Variants in IL1RAPL1 observed in about 807,000 individuals in gnomAD.
The protein encoded by IL1RAPL1 is interleukin-1 receptor accessory protein-like 1.
In IL1RAPL1, 3 loss-of-function variants were observed where a neutral mutation model predicts 48.4. That is an observed-to-expected ratio of 0.06 (90% CI 0.03 to 0.16). The LOEUF (loss-of-function observed/expected upper bound fraction) is 0.16. Ranked by LOEUF, IL1RAPL1 falls within the 10% of genes least tolerant of loss-of-function variation. The pLI, the probability that IL1RAPL1 is intolerant of heterozygous loss-of-function variation, is 1.00. For missense variants in IL1RAPL1, 349 were observed against 530.6 expected (o/e 0.66, Z 3.36); for synonymous variants, 185 against 187.7 (o/e 0.99, Z 0.12).
intron 6 of IL1RAPL1, among the ~76,000 whole-genome samples, chrX:29,802,536 T>A (rs1164504376): frequency 8.4e-5 from 9 of 107,501 alleles, no homozygotes; most frequent in African/African-American, 2.7e-4. Context: ...CTTTTAATAT[T>A]TTTTTTCATT....
intron 2 of IL1RAPL1, among the ~76,000 whole-genome samples, chrX:29,078,396 T>G (rs954261134): frequency 8.9e-6 from 1 of 112,763 alleles, no homozygotes; most frequent in East Asian, 2.8e-4. Context: ...AACTAATATT[T>G]CAGCCATTTG....
intron 5 of IL1RAPL1, among the ~76,000 whole-genome samples, chrX:29,421,988 A>G (rs1359545046): frequency 8.9e-6 from 1 of 111,905 alleles, no homozygotes; most frequent in Non-Finnish European, 1.9e-5. Context: ...ATATACATTT[A>G]TTAACGTGTG....
chrX:29,254,959 A>G (rs1360379387), intron 2 of IL1RAPL1, among the ~76,000 whole-genome samples: 1 of 111,737 alleles, frequency 8.9e-6, no homozygotes, highest in African/African-American at 3.2e-5. Flanking sequence ...ATTGCTCTTT[A>G]ATTTTTTTCT....
intron 2 of IL1RAPL1, among the ~76,000 whole-genome samples, chrX:29,182,575 G>GT (rs199891181): frequency 0.39 from 38,438 of 99,255 alleles, 6,491 homozygotes; most frequent in Non-Finnish European, 0.51. Flanking sequence ...CATGTACTTA[G>GT]TTTTTTTTTT....
In IL1RAPL1 at chrX:28,620,515, G is replaced by A. The variant is rs143177455; in HGVS notation, c.-25+32468G>A. Among the ~76,000 whole-genome samples the A allele has an allele frequency of 2.1e-3, 232 of 111,280 alleles. 1 individual carries two copies. The East Asian group carries it at 0.036, about 17-fold the overall frequency. On this transcript the variant is annotated intron_variant, in intron 1 of 10. Transcript: ENST00000378993. ...GGCGATGGTGAGGAAGAATTGGGAC[G>A]TGATGAGGCTCTGTGAGTCTCAAGC...
intron 1 of IL1RAPL1, among the ~76,000 whole-genome samples, chrX:28,628,528 A>G: frequency 8.9e-6 from 1 of 112,455 alleles, no homozygotes; most frequent in Middle Eastern, 4.6e-3. Context: ...GCAGCACAGA[A>G]AGGATTATTT....
intron 5 of IL1RAPL1, among the ~76,000 whole-genome samples, chrX:29,599,128 G>T (rs750359190): frequency 9.0e-6 from 1 of 111,595 alleles, no homozygotes; most frequent in South Asian, 3.7e-4. Flanking sequence ...TTGTTATATC[G>T]GTCATGTGAG....
chrX:29,808,031 CTG>C (rs1334686745), intron 6 of IL1RAPL1, among the ~76,000 whole-genome samples: 2 of 111,757 alleles, frequency 1.8e-5, no homozygotes, highest in East Asian at 5.6e-4. Flanking sequence ...TCAGAATAAA[CTG>C]TTTTTGCAGG....
At chrX:28,811,328 G>A (rs1432061651) in intron 2 of IL1RAPL1, among the ~76,000 whole-genome samples, 1 of 111,114 alleles carries the variant, frequency 9.0e-6, no homozygotes, top group Non-Finnish European at 1.9e-5. Context: ...TAGAAAAAGT[G>A]TGACCTATTG....
At chrX:28,816,647 G>A (rs941080866) in intron 2 of IL1RAPL1, among the ~76,000 whole-genome samples, 1 of 110,930 alleles carries the variant, frequency 9.0e-6, no homozygotes, top group African/African-American at 3.3e-5. Flanking sequence ...CACCATTGAT[G>A]GGCACCTAGG....
Position 29,903,183 on chromosome X carries a change from TGA to T in IL1RAPL1, c.779-14260_779-14259del, listed in dbSNP as rs1193474559. Among the ~76,000 whole-genome samples the T allele has an allele frequency of 5.6e-3, 522 of 92,672 alleles. 5 individuals are homozygous for T. Among genetic ancestry groups the T allele is most frequent in the African/African-American group, 0.018 (472 of 26,937 alleles). 80.5% of individuals were successfully genotyped at this position (92,672 alleles called of 115,157 possible). On this transcript the variant is annotated intron_variant, in intron 6 of 10. Coordinates refer to ENST00000378993, the MANE Select transcript of IL1RAPL1 (RefSeq NM_014271.4). ...CCGTGTGTGTGTGTGTGTGTGTGTG[TGA>T]GAGAGAGAGAGAGAGAGAGACAAAG... is the stretch of plus-strand genomic sequence containing the variant.
intron 5 of IL1RAPL1, among the ~76,000 whole-genome samples, chrX:29,492,350 T>A (rs1237290320): frequency 1.8e-5 from 2 of 112,435 alleles, no homozygotes; most frequent in Non-Finnish European, 3.8e-5. Flanking sequence ...AACAGTGGCT[T>A]AAACTACACA....
intron 2 of IL1RAPL1, among the ~76,000 whole-genome samples, chrX:28,963,587 G>T (rs772078125): frequency 1.4e-4 from 16 of 111,020 alleles, no homozygotes; most frequent in African/African-American, 3.9e-4. Context: ...GTCTAGGAAG[G>T]TGCCCATCCT....
chrX:29,330,668 G>A (rs1260063999), intron 3 of IL1RAPL1, among the ~76,000 whole-genome samples: 2 of 111,029 alleles, frequency 1.8e-5, no homozygotes, highest in Non-Finnish European at 3.8e-5. Flanking sequence ...GTGGAGACTT[G>A]TTACTCTTTC....
chrX:29,114,536 A>G lies in IL1RAPL1; in HGVS notation c.83-168402A>G, dbSNP rs192368677. 3.6e-5 allele frequency among the ~76,000 whole-genome samples: 4 copies of G among 111,607 alleles called. No individual in the cohort carries two copies. In the East Asian group the frequency reaches 8.4e-4, roughly 24 times the overall value. The stretch of plus-strand genomic sequence containing the variant: ...TGTCTCTTCAAATATTGTCTCTTTA[A>G]ATATTGGATATTTTGAAGTTCTATA... On this transcript the variant is annotated intron_variant, in intron 2 of 10. Transcript: ENST00000378993.
At chrX:29,433,599 A>G (rs781262103) in intron 5 of IL1RAPL1, among the ~76,000 whole-genome samples, 2 of 111,380 alleles carry the variant, frequency 1.8e-5, no homozygotes, top group Non-Finnish European at 3.8e-5. Flanking sequence ...AGATTTTACC[A>G]ATATACATTC....
chrX:28,867,258 A>T (rs1922098789), intron 2 of IL1RAPL1, among the ~76,000 whole-genome samples: 1 of 111,832 alleles, frequency 8.9e-6, no homozygotes, highest in Non-Finnish European at 1.9e-5. Flanking sequence ...CTGACAGGTA[A>T]TCTAGAGGAA....
chrX:29,416,833 T>G (rs1934223592), intron 5 of IL1RAPL1, among the ~76,000 whole-genome samples: 1 of 111,534 alleles, frequency 9.0e-6, no homozygotes, highest in Admixed American at 9.6e-5. Context: ...GTTTTAAAAA[T>G]ATGACAGAAA....
intron 9 of IL1RAPL1, among the ~76,000 whole-genome samples, chrX:29,953,037 G>C (rs1171853358): frequency 1.8e-5 from 2 of 111,847 alleles, no homozygotes; most frequent in Non-Finnish European, 3.8e-5. Flanking sequence ...GTGAATTTTA[G>C]TGTCCTTGAA....
Sources: gnomAD v4.1 joint callset for allele counts (sites outside exome capture counted in the v4.1 genomes callset) on GRCh38, gnomAD v4.1.1 for gene constraint, MANE v1.5 for transcripts, NCBI Gene and HGNC (gene_info 2026-07-23, HGNC 2026-07-21) for gene names.